EYS: variants seen among roughly 807,000 people sequenced by gnomAD.
EYS encodes the protein EGF-like photoreceptor maintenance factor, also known as protein eyes shut homolog.
EYS carries 250 observed loss-of-function variants against 282.1 expected under a neutral mutation model. That is an observed-to-expected ratio of 0.89 (90% CI 0.80 to 0.98). EYS has a LOEUF of 0.98. Ranked by LOEUF, EYS falls within the 50% of genes least tolerant of loss-of-function variation. The probability of loss-of-function intolerance (pLI) is 0.00; values close to 1 mark genes in which losing one functional copy is unlikely to be tolerated. For synonymous variants in EYS, 1,355 were observed against 1,282.9 expected (o/e 1.06, Z -1.20); for missense variants, 4,016 against 3,709.0 (o/e 1.08, Z -2.15).
chr6:63,746,761 T>A (rs1769219377), intron 41 of EYS, among the ~76,000 whole-genome samples: 1 of 152,220 alleles, frequency 6.6e-6, no homozygotes, highest in South Asian at 2.1e-4. Flanking sequence ...TTCTGTGGGA[T>A]CAGTGGTGAT....
chr6:65,229,922 C>A (rs189685090), intron 12 of EYS, among the ~76,000 whole-genome samples: 3 of 151,846 alleles, frequency 2.0e-5, no homozygotes, highest in Admixed American at 2.0e-4. Context: ...ATGGGTCTTG[C>A]CAGAGATCTA....
chr6:65,344,016 C>A, intron 10 of EYS, 22 bp downstream of exon 10: 2 of 1,600,032 alleles, frequency 1.2e-6, no homozygotes, highest in Non-Finnish European at 1.7e-6. Context: ...AAATGAAAAG[C>A]AACTACATAA....
intron 13 of EYS, among the ~76,000 whole-genome samples, chr6:65,020,207 A>G (rs1391825120): frequency 1.3e-5 from 2 of 152,166 alleles, no homozygotes; most frequent in Non-Finnish European, 2.9e-5. Flanking sequence ...TCATTCCAGC[A>G]TTAACTCAAA....
At position 65,306,217 on chromosome 6, in the gene EYS, C is replaced by T. The variant is rs145019632; in HGVS notation, c.1767-10098G>A. Among the ~76,000 whole-genome samples, 1,503 of 152,308 alleles carry T rather than the reference C, an allele frequency of 9.9e-3. 21 individuals carry two copies. Among genetic ancestry groups the T allele is most frequent in the Middle Eastern group, 0.02 (6 of 294 alleles). On this transcript the variant is annotated intron_variant, in intron 11 of 42. Coordinates refer to ENST00000503581, the MANE Select transcript of EYS (RefSeq NM_001142800.2). ...ATCTGACCCCCACCTGTCATGTTGG[C>T]TCCTAAGGAACTGCTGTTGTAAGCG...
At chr6:64,807,352 A>C (rs892422345) in intron 22 of EYS, among the ~76,000 whole-genome samples, 6 of 152,114 alleles carry the variant, frequency 3.9e-5, no homozygotes, top group Non-Finnish European at 5.9e-5. Flanking sequence ...TTGATGACTG[A>C]CAGAGTACAA....
chr6:63,826,321 G>C (rs150613979), intron 36 of EYS, among the ~76,000 whole-genome samples: 48 of 152,250 alleles, frequency 3.2e-4, no homozygotes, highest in Middle Eastern at 6.8e-3. Flanking sequence ...GTATTTGGGG[G>C]GATAATTGAG....
chr6:64,893,150 T>C (rs1245892891), intron 18 of EYS, among the ~76,000 whole-genome samples: 1 of 152,102 alleles, frequency 6.6e-6, no homozygotes, highest in Non-Finnish European at 1.5e-5. Context: ...AAGACATTAG[T>C]TGCATGGGAT....
intron 35 of EYS, among the ~76,000 whole-genome samples, chr6:63,935,678 A>G (rs1029183881): frequency 3.9e-5 from 6 of 152,232 alleles, no homozygotes; most frequent in African/African-American, 1.4e-4. Context: ...CAACTCTGCA[A>G]ACCCTTGGTA....
chr6:64,824,421 T>C (rs1252858685), intron 19 of EYS, among the ~76,000 whole-genome samples: 2 of 151,970 alleles, frequency 1.3e-5, no homozygotes, highest in African/African-American at 4.8e-5. Flanking sequence ...AGTATAGGCA[T>C]GCATCAAAAA....
chr6:65,437,671 A>C (rs1466586086), intron 5 of EYS, among the ~76,000 whole-genome samples: 3 of 152,146 alleles, frequency 2.0e-5, no homozygotes, highest in African/African-American at 7.2e-5. Flanking sequence ...GAAACTTGGC[A>C]TCCAAAACTG....
chr6:65,333,101 C>T (rs1769854650), intron 11 of EYS, among the ~76,000 whole-genome samples: 2 of 150,708 alleles, frequency 1.3e-5, no homozygotes, highest in South Asian at 4.2e-4. Context: ...TGATTTCCTT[C>T]TTTCTACTTA....
At chr6:64,357,638 C>G (rs188581777) in intron 29 of EYS, among the ~76,000 whole-genome samples, 1 of 151,488 alleles carries the variant, frequency 6.6e-6, no homozygotes, top group African/African-American at 2.4e-5. Context: ...TGTTCTGATT[C>G]TAGTTATGTA....
At chr6:65,442,026 G>T (rs1467913446) in intron 5 of EYS, among the ~76,000 whole-genome samples, 1 of 151,924 alleles carries the variant, frequency 6.6e-6, no homozygotes, top group Middle Eastern at 3.2e-3. Context: ...TGACTGTACT[G>T]TAACTGAAAG....
rs139944387 is a variant in EYS at position 63,720,794 on chromosome 6, T to C, written c.9237A>G (p.Leu3079=). 4.2e-4 allele frequency: 644 copies of C among 1,551,126 alleles called. 3 individuals carry two copies. The East Asian group carries it at 0.015, about 35-fold the overall frequency. Residue 3079 remains leucine (L), a synonymous_variant, in exon 43 of 43, where the codon CTA becomes CTG. Coordinates refer to ENST00000503581, the MANE Select transcript of EYS (RefSeq NM_001142800.2). ...DIDPHKNFVA[L]NYDGICYLGG... ...CTAGATAACAAATGCCATCATAGTT[T>C]AGAGCCACAAAGTTTTTATGTGGAT...
chr6:64,920,238 A>AGAC (rs1300080680), intron 15 of EYS, among the ~76,000 whole-genome samples: 1 of 152,136 alleles, frequency 6.6e-6, no homozygotes, highest in African/African-American at 2.4e-5. Flanking sequence ...TAAAGCTGAA[A>AGAC]GACAACACTT....
intron 22 of EYS, among the ~76,000 whole-genome samples, chr6:64,697,124 TA>T (rs1770608348): frequency 1.3e-5 from 2 of 151,842 alleles, no homozygotes; most frequent in South Asian, 2.1e-4. Context: ...AGTGTGGATT[TA>T]AAAAAAACAT....
At chr6:65,369,136 A>C (rs1248854974) in intron 8 of EYS, among the ~76,000 whole-genome samples, 1 of 150,678 alleles carries the variant, frequency 6.6e-6, no homozygotes, top group Non-Finnish European at 1.5e-5. Flanking sequence ...AATAATATAC[A>C]TAGAGGAAAA....
chr6:65,510,555 G>C (rs781589955), intron 2 of EYS, among the ~76,000 whole-genome samples: 5 of 151,902 alleles, frequency 3.3e-5, no homozygotes, highest in Non-Finnish European at 7.4e-5. Flanking sequence ...GTAGAGTGCT[G>C]GGTTGAAGAT....
At chr6:64,356,039 C>T (rs1771813614) in intron 29 of EYS, among the ~76,000 whole-genome samples, 2 of 151,500 alleles carry the variant, frequency 1.3e-5, no homozygotes, top group African/African-American at 2.4e-5. Context: ...AACAGAAAAG[C>T]GAAGTTTGAG....
Sources: gnomAD v4.1 joint callset for allele counts (sites outside exome capture counted in the v4.1 genomes callset) on GRCh38, gnomAD v4.1.1 for gene constraint, MANE v1.5 for transcripts, NCBI Gene and HGNC (gene_info 2026-07-23, HGNC 2026-07-21) for gene names.